PPP2R2B: variants seen among roughly 807,000 people sequenced by gnomAD.
PPP2R2B encodes serine/threonine-protein phosphatase 2A 55 kDa regulatory subunit B beta isoform.
Under a neutral mutation model 46.0 loss-of-function variants are expected in PPP2R2B, and 5 were observed. The ratio of observed to expected loss-of-function variants is 0.11; its 90% CI spans 0.06 to 0.23. The LOEUF (loss-of-function observed/expected upper bound fraction) is 0.23, where lower values mean the gene tolerates loss of function less well. Ranked by LOEUF, PPP2R2B falls within the 10% of genes least tolerant of loss-of-function variation. PPP2R2B has a pLI of 1.00. For missense variants in PPP2R2B, 367 were observed against 575.0 expected (o/e 0.64, Z 3.70); for synonymous variants, 215 against 206.7 (o/e 1.04, Z -0.34).
At chr5:146,676,041 C>A (rs1260781525) in intron 5 of PPP2R2B, among the ~76,000 whole-genome samples, 1 of 151,922 alleles carries the variant, frequency 6.6e-6, no homozygotes, top group Non-Finnish European at 1.5e-5. Flanking sequence ...GGGAGGACGC[C>A]TTGATATTGG....
At chr5:147,023,453 T>C (rs955841073) in intron 1 of PPP2R2B, among the ~76,000 whole-genome samples, 1 of 152,108 alleles carries the variant, frequency 6.6e-6, no homozygotes, top group African/African-American at 2.4e-5. Context: ...ACAGATTGGA[T>C]AAAAATGCAA....
chr5:146,921,541 C>T (rs141419491), intron 1 of PPP2R2B, among the ~76,000 whole-genome samples: 14 of 152,292 alleles, frequency 9.2e-5, no homozygotes, highest in African/African-American at 3.1e-4. Flanking sequence ...CTTAAGATTT[C>T]GTTTCTTAGA....
chr5:146,856,724 C>A (rs2151388358), intron 2 of PPP2R2B: 1 of 648,114 alleles, frequency 1.5e-6, no homozygotes, highest in Non-Finnish European at 2.7e-6. Flanking sequence ...CTGTCAAAAT[C>A]CAGGCTAACA....
intron 5 of PPP2R2B, among the ~76,000 whole-genome samples, chr5:146,676,140 C>T (rs189706257): frequency 7.0e-4 from 106 of 152,170 alleles, no homozygotes; most frequent in African/African-American, 2.5e-3. Flanking sequence ...GACAAAATGT[C>T]ATTTACTTCC....
At chr5:146,830,336 A>G (rs192936348) in intron 2 of PPP2R2B, among the ~76,000 whole-genome samples, 1 of 152,312 alleles carries the variant, frequency 6.6e-6, no homozygotes, top group Admixed American at 6.5e-5. Context: ...CCTATAAAAA[A>G]CTAGCTGTTA....
chr5:146,775,124 C>T (rs1755104785), intron 2 of PPP2R2B, among the ~76,000 whole-genome samples: 1 of 152,114 alleles, frequency 6.6e-6, no homozygotes. Flanking sequence ...GAAACAAAAA[C>T]ACTTTCTTAA....
At chr5:146,609,143 A>T (rs186637577) in intron 7 of PPP2R2B, among the ~76,000 whole-genome samples, 1 of 152,274 alleles carries the variant, frequency 6.6e-6, no homozygotes, top group Admixed American at 6.5e-5. Context: ...GTGATATGTC[A>T]TATCAACAGA....
intron 1 of PPP2R2B, among the ~76,000 whole-genome samples, chr5:146,921,469 C>T (rs1207615782): frequency 6.6e-6 from 1 of 152,214 alleles, no homozygotes; most frequent in Admixed American, 6.5e-5. Flanking sequence ...CCCTAGAGCA[C>T]ACGTGCTTAT....
chr5:146,738,282 G>A (rs932598937), intron 2 of PPP2R2B, among the ~76,000 whole-genome samples: 8 of 151,104 alleles, frequency 5.3e-5, no homozygotes, highest in Non-Finnish European at 1.0e-4. Flanking sequence ...TGTAGTCCCA[G>A]CTACTCGGGA....
intron 6 of PPP2R2B, 142 bp from the exon 7 acceptor site, chr5:146,638,557 T>C: frequency 1.3e-6 from 1 of 781,116 alleles, no homozygotes; most frequent in Non-Finnish European, 1.9e-6. Flanking sequence ...CATAAACTTG[T>C]CCCAGGCAGA....
At chr5:146,658,749 T>G (rs888610850) in intron 5 of PPP2R2B, among the ~76,000 whole-genome samples, 8 of 152,196 alleles carry the variant, frequency 5.3e-5, no homozygotes, top group African/African-American at 1.7e-4. Flanking sequence ...CTTACCAAGG[T>G]GTACTATGCA....
chr5:146,863,473 A>G (rs1248829026), intron 2 of PPP2R2B, among the ~76,000 whole-genome samples: 1 of 152,152 alleles, frequency 6.6e-6, no homozygotes, highest in Non-Finnish European at 1.5e-5. Flanking sequence ...GCTCCAAGAC[A>G]GAAGAGGAAG....
At chr5:146,916,591 A>T (rs1763392702) in intron 1 of PPP2R2B, among the ~76,000 whole-genome samples, 1 of 151,916 alleles carries the variant, frequency 6.6e-6, no homozygotes. Flanking sequence ...CTGATTAAAA[A>T]CCCGTATCCC....
At chr5:146,703,053 G>T (rs971372875) in intron 2 of PPP2R2B, among the ~76,000 whole-genome samples, 5 of 152,188 alleles carry the variant, frequency 3.3e-5, no homozygotes, top group Admixed American at 1.3e-4. Flanking sequence ...CTACTCCCAT[G>T]TTTAGACGAG....
chr5:146,949,586 C>T (rs1344517949), intron 1 of PPP2R2B, among the ~76,000 whole-genome samples: 1 of 151,978 alleles, frequency 6.6e-6, no homozygotes, highest in Non-Finnish European at 1.5e-5. Context: ...ATTAGTACAA[C>T]CACTAGGTAG....
At chr5:146,751,977 A>G (rs2151238212) in intron 2 of PPP2R2B, among the ~76,000 whole-genome samples, 1 of 152,078 alleles carries the variant, frequency 6.6e-6, no homozygotes, top group South Asian at 2.1e-4. Context: ...GGTAGGGAGG[A>G]GGCCAGATCA....
chr5:147,028,923 T>C (rs1448903154), intron 1 of PPP2R2B, among the ~76,000 whole-genome samples: 1 of 152,222 alleles, frequency 6.6e-6, no homozygotes, highest in East Asian at 1.9e-4. Flanking sequence ...TTCCTGATAA[T>C]AGAATTGATT....
intron 3 of PPP2R2B, among the ~76,000 whole-genome samples, 159 bp downstream of exon 3, chr5:146,700,886 G>A (rs1364563767): frequency 1.3e-5 from 2 of 152,178 alleles, no homozygotes; most frequent in Non-Finnish European, 2.9e-5. Flanking sequence ...GCTTTTATGA[G>A]TCTGAATGTA....
intron 2 of PPP2R2B, among the ~76,000 whole-genome samples, chr5:146,746,167 G>A (rs1753179381): frequency 6.6e-6 from 1 of 152,086 alleles, no homozygotes; most frequent in African/African-American, 2.4e-5. Flanking sequence ...CAATTAGGCT[G>A]GGGACCCAGA....
Sources: gnomAD v4.1 joint callset for allele counts (sites outside exome capture counted in the v4.1 genomes callset) on GRCh38, gnomAD v4.1.1 for gene constraint, MANE v1.5 for transcripts, NCBI Gene and HGNC (gene_info 2026-07-23, HGNC 2026-07-21) for gene names.